Variants in THSD7B observed in about 807,000 individuals in gnomAD.
THSD7B encodes the protein thrombospondin type-1 domain-containing protein 7B.
A neutral mutation model predicts 213.6 loss-of-function variants in THSD7B; 138 were observed. The ratio of observed to expected loss-of-function variants is 0.65; its 90% CI spans 0.56 to 0.74. The LOEUF (loss-of-function observed/expected upper bound fraction) is 0.74. THSD7B is among the 30% of genes least tolerant of loss of function. THSD7B has a pLI of 0.00. For synonymous variants in THSD7B, 742 were observed against 687.0 expected (o/e 1.08, Z -1.25); for missense variants, 1,931 against 1,991.5 (o/e 0.97, Z 0.58).
intron 12 of THSD7B, among the ~76,000 whole-genome samples, chr2:137,283,465 C>G (rs572291573): frequency 9.5e-4 from 144 of 152,196 alleles, no homozygotes; most frequent in African/African-American, 3.0e-3. Context: ...GAGGGCATCC[C>G]TGTCTTGTGC....
chr2:137,645,878 A>C (rs1320358199), intron 21 of THSD7B, among the ~76,000 whole-genome samples: 1 of 152,188 alleles, frequency 6.6e-6, no homozygotes, highest in Non-Finnish European at 1.5e-5. Context: ...GTTATAAGTG[A>C]GCCCTCCCTT....
chr2:136,991,859 G>T (rs754650253), intron 2 of THSD7B, among the ~76,000 whole-genome samples: 2 of 152,076 alleles, frequency 1.3e-5, no homozygotes, highest in African/African-American at 2.4e-5. Flanking sequence ...TGTAATTCAG[G>T]TTCATTAACT....
In THSD7B at chr2:137,517,773, G is replaced by T. The variant is rs193185499; in HGVS notation, c.3139-45448G>T. 3.9e-5 allele frequency among the ~76,000 whole-genome samples: 6 copies of T among 152,264 alleles called. No homozygotes were observed. In the East Asian group the frequency reaches 1.2e-3, roughly 30 times the overall value. On this transcript the variant is annotated intron_variant, in intron 15 of 27. Coordinates refer to ENST00000409968, the MANE Select transcript of THSD7B (RefSeq NM_001316349.2). Reference sequence around the variant, plus strand: ...GATAGGGATGCTGTTTGGAGCCCTGGCAGGCCCCCATTGGTGAATCACAGT... The same window carrying T: ...GATAGGGATGCTGTTTGGAGCCCTGTCAGGCCCCCATTGGTGAATCACAGT...
chr2:137,518,668 TC>T (rs1680120453), intron 15 of THSD7B, among the ~76,000 whole-genome samples: 1 of 152,122 alleles, frequency 6.6e-6, no homozygotes, highest in Admixed American at 6.5e-5. Flanking sequence ...ACACCACTCA[TC>T]CTTTTTCCCC....
intron 1 of THSD7B, among the ~76,000 whole-genome samples, chr2:136,811,468 C>T (rs1272833031): frequency 6.6e-6 from 1 of 152,042 alleles, no homozygotes; most frequent in Non-Finnish European, 1.5e-5. Flanking sequence ...GATCATAGAC[C>T]ATGGGTTACT....
intron 2 of THSD7B, among the ~76,000 whole-genome samples, chr2:136,998,261 C>CAAAA (rs33931359): frequency 1.1e-3 from 112 of 97,882 alleles, no homozygotes; most frequent in Non-Finnish European, 1.6e-3. Flanking sequence ...ACTAAAAGGC[C>CAAAA]AAAAAAAAAA....
Position 136,839,845 on chromosome 2 carries a change from G to A in THSD7B, c.-35-42299G>A, listed in dbSNP as rs60733093. 6.4e-3 allele frequency among the ~76,000 whole-genome samples: 976 copies of A among 152,122 alleles called. 19 individuals carry two copies. The highest frequency in any genetic ancestry group is 0.022 in the African/African-American group (916 of 41,494). ...TCAAAGAAATTAGTCATAGACAAAG[G>A]CATGTACTTAAGTTGAGTCAATGAG... On this transcript the variant is annotated intron_variant, in intron 1 of 27. Transcript: ENST00000409968.
chr2:137,568,746 G>A (rs974261752), intron 16 of THSD7B, among the ~76,000 whole-genome samples: 3 of 152,080 alleles, frequency 2.0e-5, no homozygotes, highest in African/African-American at 2.4e-5. Flanking sequence ...GGGGGAAATC[G>A]CCCCCATAAT....
chr2:137,550,385 T>C (rs984661499), intron 15 of THSD7B, among the ~76,000 whole-genome samples: 3 of 152,140 alleles, frequency 2.0e-5, no homozygotes, highest in African/African-American at 7.2e-5. Context: ...CAATTTGAAG[T>C]CATAATTTAT....
intron 7 of THSD7B, among the ~76,000 whole-genome samples, chr2:137,173,636 T>A (rs1243156595): frequency 2.6e-5 from 4 of 152,242 alleles, no homozygotes; most frequent in Non-Finnish European, 4.4e-5. Context: ...AATACCTGAA[T>A]GACTCCCTCA....
chr2:137,202,094 G>T (rs1413138025), intron 7 of THSD7B, among the ~76,000 whole-genome samples: 1 of 152,014 alleles, frequency 6.6e-6, no homozygotes, highest in African/African-American at 2.4e-5. Flanking sequence ...GCTGTCTTTT[G>T]CAGAAGAGAG....
chr2:137,597,617 T>C (rs1370843988), intron 17 of THSD7B, among the ~76,000 whole-genome samples: 3 of 152,054 alleles, frequency 2.0e-5, no homozygotes, highest in Non-Finnish European at 2.9e-5. Context: ...GGAGAACATA[T>C]AGTCAGGACA....
chr2:137,400,906 A>G (rs1018000353), intron 12 of THSD7B, among the ~76,000 whole-genome samples: 2 of 152,166 alleles, frequency 1.3e-5, no homozygotes, highest in African/African-American at 4.8e-5. Context: ...ATTCAGGCCC[A>G]CTAGTGGCAG....
At chr2:137,598,763 A>G (rs1216151317) in intron 17 of THSD7B, among the ~76,000 whole-genome samples, 1 of 152,156 alleles carries the variant, frequency 6.6e-6, no homozygotes, top group Non-Finnish European at 1.5e-5. Context: ...AAGCTTGTAA[A>G]TGTCTGTGTA....
At chr2:137,181,188 G>A (rs1303878992) in intron 7 of THSD7B, among the ~76,000 whole-genome samples, 6 of 152,180 alleles carry the variant, frequency 3.9e-5, no homozygotes, top group Admixed American at 6.6e-5. Flanking sequence ...GAGAGAAGTA[G>A]AGTTTCTGAA....
At chr2:137,071,755 T>C (rs1687493519) in intron 3 of THSD7B, among the ~76,000 whole-genome samples, 1 of 152,214 alleles carries the variant, frequency 6.6e-6, no homozygotes, top group African/African-American at 2.4e-5. Context: ...AACATTTAAG[T>C]CTTTAATCCA....
intron 2 of THSD7B, among the ~76,000 whole-genome samples, chr2:136,913,821 G>A (rs994382391): frequency 5.3e-5 from 8 of 152,258 alleles, no homozygotes; most frequent in Admixed American, 2.0e-4. Context: ...TTGCTGCAAG[G>A]GCAGGGCCCT....
intron 12 of THSD7B, among the ~76,000 whole-genome samples, chr2:137,284,068 A>C (rs1280732648): frequency 6.6e-6 from 1 of 152,052 alleles, no homozygotes; most frequent in Non-Finnish European, 1.5e-5. Context: ...TTATTGCCTC[A>C]ATTTCAGAGC....
At chr2:137,167,960 A>G (rs1335727650) in intron 6 of THSD7B, among the ~76,000 whole-genome samples, 1 of 152,208 alleles carries the variant, frequency 6.6e-6, no homozygotes, top group East Asian at 1.9e-4. Flanking sequence ...ACTCTGAAAG[A>G]CTTCTGCTGA....
Sources: allele counts gnomAD v4.1 joint callset (sites outside exome capture counted in the v4.1 genomes callset), GRCh38; gene constraint gnomAD v4.1.1; transcripts MANE v1.5; gene names NCBI Gene and HGNC (gene_info 2026-07-23, HGNC 2026-07-21).